The following UGT2A2 variants were observed in gnomAD, a reference collection of about 807,000 sequenced individuals.
The protein encoded by UGT2A2 is UDP-glucuronosyltransferase 2A2.
In UGT2A2, 60 loss-of-function variants were observed where a neutral mutation model predicts 50.7. The observed-to-expected ratio is 1.18, with a 90% CI of 0.96 to 1.47. The LOEUF is 1.47. Among genes scored for constraint, UGT2A2 ranks in the 40% most tolerant of loss-of-function variants. The pLI, the probability that UGT2A2 is intolerant of heterozygous loss-of-function variation, is 0.00. For synonymous variants in UGT2A2, 242 were observed against 214.6 expected (o/e 1.13, Z -1.11); for missense variants, 762 against 634.0 (o/e 1.20, Z -2.17).
chr4:69,608,732 G>T (rs1453754273), intron 1 of UGT2A2, among the ~76,000 whole-genome samples: 1 of 152,026 alleles, frequency 6.6e-6, no homozygotes, highest in Non-Finnish European at 1.5e-5. Flanking sequence ...CTTCACTCTT[G>T]TTGCCCAGGC....
chr4:69,618,500 G>A (rs1400180725), intron 1 of UGT2A2, among the ~76,000 whole-genome samples: 1 of 151,796 alleles, frequency 6.6e-6, no homozygotes, highest in Non-Finnish European at 1.5e-5. Flanking sequence ...TATTTCTGCT[G>A]CCAAAAATAA....
At chr4:69,638,757 T>A (rs1721865595) in intron 1 of UGT2A2, 142 bp downstream of exon 1, 5 of 1,088,776 alleles carry the variant, frequency 4.6e-6, no homozygotes, top group Non-Finnish European at 6.3e-6. Flanking sequence ...AAGAGAATAA[T>A]CAGGGAATTG....
chr4:69,608,992 T>C lies in UGT2A2; in HGVS notation c.743-9598A>G, dbSNP rs143431393. 6.6e-3 allele frequency among the ~76,000 whole-genome samples: 1,007 copies of C among 152,126 alleles called. 16 individuals carry two copies. Among genetic ancestry groups the C allele is most frequent in the African/African-American group, 0.021 (881 of 41,512 alleles). On this transcript the variant is annotated intron_variant, in intron 1 of 5. Transcript: ENST00000604629. ...GTAGAAAAGGATTTCCTCAGGAACA[T>C]AAAGAAAAATTATAAAGAGTATGAT...
chr4:69,624,364 T>C (rs565663789), intron 1 of UGT2A2, among the ~76,000 whole-genome samples: 1 of 151,552 alleles, frequency 6.6e-6, no homozygotes, highest in Admixed American at 6.6e-5. Flanking sequence ...TTTATGAGTT[T>C]CTTAAGATAG....
chr4:69,592,941 A>C (rs142467656), intron 5 of UGT2A2, among the ~76,000 whole-genome samples: 275 of 152,242 alleles, frequency 1.8e-3, no homozygotes, highest in African/African-American at 6.4e-3. Context: ...TGAGTTTCTG[A>C]ATTTTAAAAA....
chr4:69,608,340 T>C (rs1257715723), intron 1 of UGT2A2, among the ~76,000 whole-genome samples: 1 of 146,730 alleles, frequency 6.8e-6, no homozygotes, highest in Non-Finnish European at 1.5e-5. Context: ...AAACACTGCA[T>C]GTTCTCACTC....
chr4:69,637,596 G>A, intron 1 of UGT2A2, among the ~76,000 whole-genome samples: 1 of 152,000 alleles, frequency 6.6e-6, no homozygotes, highest in Admixed American at 6.6e-5. Flanking sequence ...TCTTTCATTT[G>A]ATACTTTCTC....
At chr4:69,630,692 T>C (rs1289360610) in intron 1 of UGT2A2, among the ~76,000 whole-genome samples, 1 of 152,172 alleles carries the variant, frequency 6.6e-6, no homozygotes, top group Non-Finnish European at 1.5e-5. Context: ...CCATTTATTA[T>C]AGCCAAGATG....
intron 1 of UGT2A2, among the ~76,000 whole-genome samples, chr4:69,630,274 T>C (rs2109953963): frequency 6.6e-6 from 1 of 152,194 alleles, no homozygotes; most frequent in East Asian, 1.9e-4. Context: ...TTGACGTAGT[T>C]GGAGTGAGGC....
chr4:69,608,846 C>T (rs1446901328), intron 1 of UGT2A2, among the ~76,000 whole-genome samples: 2 of 151,930 alleles, frequency 1.3e-5, no homozygotes, highest in Non-Finnish European at 2.9e-5. Flanking sequence ...CAGGCACATG[C>T]CACCATGTCC....
chr4:69,620,424 G>A (rs911159041), intron 1 of UGT2A2, among the ~76,000 whole-genome samples: 5 of 133,262 alleles, frequency 3.8e-5, no homozygotes, highest in Non-Finnish European at 8.4e-5. Flanking sequence ...GCTAACCAGG[G>A]AGGTGAAAGA....
At chr4:69,629,122 C>G (rs1721248906) in intron 1 of UGT2A2, among the ~76,000 whole-genome samples, 1 of 151,834 alleles carries the variant, frequency 6.6e-6, no homozygotes, top group Admixed American at 6.6e-5. Flanking sequence ...TTTTAACCAC[C>G]TTCACTTGAA....
At chr4:69,634,616 T>A (rs994802674) in intron 1 of UGT2A2, among the ~76,000 whole-genome samples, 1 of 152,154 alleles carries the variant, frequency 6.6e-6, no homozygotes, top group African/African-American at 2.4e-5. Context: ...ATTTAACAAC[T>A]GATAATCACT....
intron 1 of UGT2A2, among the ~76,000 whole-genome samples, chr4:69,637,160 AAAAAAGAAACTACGGTT>A (rs1480470405): frequency 6.6e-6 from 1 of 152,160 alleles, no homozygotes; most frequent in Non-Finnish European, 1.5e-5. Flanking sequence ...GAAAGCCAGA[AAAAAAGAAACTACGGTT>A]AAATTATGCC....
At chr4:69,591,838 T>C (rs4148307) in intron 5 of UGT2A2, among the ~76,000 whole-genome samples, 34,213 of 152,072 alleles carry the variant, frequency 0.22, 4,000 homozygotes, top group Middle Eastern at 0.31. Flanking sequence ...TGTCAGCAAC[T>C]AACAACTTTG....
intron 1 of UGT2A2, chr4:69,599,711 A>AGGC: frequency 5.3e-6 from 1 of 189,752 alleles, no homozygotes; most frequent in Non-Finnish European, 1.0e-5. Flanking sequence ...GAGAGAGAGG[A>AGGC]AGAGAGAGAG....
At chr4:69,632,445 A>C (rs953032159) in intron 1 of UGT2A2, among the ~76,000 whole-genome samples, 7 of 152,144 alleles carry the variant, frequency 4.6e-5, no homozygotes, top group Non-Finnish European at 1.5e-5. Flanking sequence ...ATTTCTTTGA[A>C]ACATCCAATG....
chr4:69,619,518 G>A (rs183236002), intron 1 of UGT2A2, among the ~76,000 whole-genome samples: 2 of 151,852 alleles, frequency 1.3e-5, no homozygotes, highest in East Asian at 1.9e-4. Flanking sequence ...TTAAAATAAC[G>A]TTAAAGAAGA....
At chr4:69,609,278 A>G (rs765462117) in intron 1 of UGT2A2, among the ~76,000 whole-genome samples, 5 of 151,860 alleles carry the variant, frequency 3.3e-5, no homozygotes, top group Non-Finnish European at 7.4e-5. Flanking sequence ...TCAGCCTCTC[A>G]GTAGCTGGGA....
Sources: gnomAD v4.1 joint callset for allele counts (sites outside exome capture counted in the v4.1 genomes callset) on GRCh38, gnomAD v4.1.1 for gene constraint, MANE v1.5 for transcripts, NCBI Gene and HGNC (gene_info 2026-07-23, HGNC 2026-07-21) for gene names.